Variants in PIAS1 observed in about 807,000 individuals in gnomAD.
The protein encoded by PIAS1 is protein inhibitor of activated STAT 1, also known as E3 SUMO-protein ligase PIAS1.
PIAS1 carries 6 observed loss-of-function variants against 71.3 expected under a neutral mutation model. The ratio of observed to expected loss-of-function variants is 0.08; its 90% confidence interval spans 0.05 to 0.17. PIAS1 has a LOEUF of 0.17. Among genes scored for constraint, PIAS1 ranks in the 10% least tolerant of loss-of-function variants. PIAS1 has a pLI of 1.00. For synonymous variants in PIAS1, 303 were observed against 292.9 expected, an observed-to-expected ratio of 1.03 and a Z score of -0.35; for missense variants, 555 against 793.6, an observed-to-expected ratio of 0.70 and a Z score of 3.61.
At position 68,183,677 on chromosome 15, in the gene PIAS1, G is replaced by A. The variant is rs757785580; in HGVS notation, c.1662+10G>A. ...ATCAGGAGACAATCAGGTATGTTAT[G>A]AAAAATTTACTATTATTTTAATTGT... On this transcript the variant is annotated intron_variant, in intron 13 of 13. Coordinates refer to ENST00000249636, the MANE Select transcript of PIAS1 (RefSeq NM_016166.3). 6.9e-6 allele frequency: 7 copies of A among 1,015,654 alleles called. No homozygotes were observed. The highest frequency in any genetic ancestry group is 1.0e-5 in the Non-Finnish European group (7 of 675,796). The allele number at this position is 1,015,654 out of a possible 1,614,324, so 62.9% of individuals were successfully genotyped here. A position where few individuals can be genotyped will look rare whatever the true frequency, so the allele number is the denominator to read the frequency against.
At chr15:68,124,718 T>TCAAACAAACAAA (rs148167122) in intron 2 of PIAS1, among the ~76,000 whole-genome samples, 1 of 151,710 alleles carries the variant, frequency 6.6e-6, no homozygotes, top group Non-Finnish European at 1.5e-5. Flanking sequence ...AGACTCTGGC[T>TCAAACAAACAAA]CAAACAAACA....
At chr15:68,107,757 ACTTATG>A (rs923722058) in intron 2 of PIAS1, among the ~76,000 whole-genome samples, 2 of 152,250 alleles carry the variant, frequency 1.3e-5, no homozygotes, top group African/African-American at 4.8e-5. Context: ...GATGGTAAAT[ACTTATG>A]CTTATACTTA....
chr15:68,088,785 A>T (rs1000195193), intron 2 of PIAS1, among the ~76,000 whole-genome samples: 1 of 152,202 alleles, frequency 6.6e-6, no homozygotes, highest in Non-Finnish European at 1.5e-5. Context: ...ATTCTTTAAC[A>T]TTATTAAGAC....
intron 12 of PIAS1, chr15:68,181,667 T>C (rs1369133460): frequency 1.5e-5 from 3 of 204,206 alleles, no homozygotes. Flanking sequence ...TTTTGGTATT[T>C]ATGAACATTA....
rs901636115 is a variant in PIAS1 at position 68,086,801 on chromosome 15, G to A, written c.469+51G>A. Reference sequence around the variant, plus strand: ...GGTTACTTTTGCAGGATGAATTTTCGTTTTAGGCTTTTACTTTGACCCAGT... The same window carrying A: ...GGTTACTTTTGCAGGATGAATTTTCATTTTAGGCTTTTACTTTGACCCAGT... On this transcript the variant is annotated intron_variant, in intron 2 of 13. Transcript: ENST00000249636. This position sits in a 1 kb window ranked among gnomAD's most constrained non-coding sequence, Gnocchi z 7.2. 2.3e-5 allele frequency: 28 copies of A among 1,196,534 alleles called. No homozygotes were observed. The highest frequency in any genetic ancestry group is 4.0e-4 in the Middle Eastern group (2 of 4,990). The allele number at this position is 1,196,534 out of a possible 1,614,324, so 74.1% of individuals were successfully genotyped here.
chr15:68,192,814 GATAC>G lies in PIAS1; in HGVS notation c.*4986_*4989del, dbSNP rs1056352999. ...GCCACAGCCCAGAGAACCCACTTTTGATACATACATGGATGCAAATCTTTGTACT... is the reference window on the plus strand; with the variant it reads ...GCCACAGCCCAGAGAACCCACTTTTGATACATGGATGCAAATCTTTGTACT... On this transcript the variant is annotated 3_prime_UTR_variant, in exon 14 of 14. Coordinates refer to ENST00000249636, the MANE Select transcript of PIAS1 (RefSeq NM_016166.3). 6.6e-6 allele frequency: 1 copy of G among 152,222 alleles called. No homozygotes were observed. The highest frequency in any genetic ancestry group is 1.5e-5 in the Non-Finnish European group (1 of 68,080). 9.4% of individuals were successfully genotyped at this position (152,222 alleles called of 1,614,324 possible). A position where few individuals can be genotyped will look rare whatever the true frequency, so the allele number is the denominator to read the frequency against.
chr15:68,091,303 GT>G (rs2092330873), intron 2 of PIAS1, among the ~76,000 whole-genome samples: 1 of 152,018 alleles, frequency 6.6e-6, no homozygotes, highest in African/African-American at 2.4e-5. Flanking sequence ...ATTCAAAATA[GT>G]TTATAATATT....
chr15:68,120,420 A>G (rs2092603722), intron 2 of PIAS1, among the ~76,000 whole-genome samples: 1 of 151,534 alleles, frequency 6.6e-6, no homozygotes, highest in South Asian at 2.1e-4. Flanking sequence ...CCTTTTTCAT[A>G]TGCCTTCTCT....
At chr15:68,074,841 T>C (rs1254724694) in intron 1 of PIAS1, among the ~76,000 whole-genome samples, 2 of 145,980 alleles carry the variant, frequency 1.4e-5, no homozygotes, top group East Asian at 4.0e-4. Flanking sequence ...TTAGCATTCC[T>C]TTTTTTTTTT....
intron 2 of PIAS1, among the ~76,000 whole-genome samples, chr15:68,134,966 G>T (rs1189463478): frequency 4.0e-5 from 2 of 50,632 alleles, no homozygotes; most frequent in African/African-American, 8.3e-5. Context: ...CGGCCGGGGG[G>T]GCTAACCCCC....
At chr15:68,078,460 C>T (rs959258602) in intron 1 of PIAS1, among the ~76,000 whole-genome samples, 4 of 152,192 alleles carry the variant, frequency 2.6e-5, no homozygotes, top group Non-Finnish European at 5.9e-5. Context: ...ATTTCAATTA[C>T]ATCTTTACTG....
intron 1 of PIAS1, among the ~76,000 whole-genome samples, chr15:68,083,397 C>A (rs894094524): frequency 1.3e-5 from 2 of 152,066 alleles, no homozygotes; most frequent in Non-Finnish European, 2.9e-5. Flanking sequence ...AACAGCTGTT[C>A]CAATAATAGC....
rs180978242 is a variant in PIAS1, at chr15:68,085,461, G to A, written c.25-845G>A. 1.9e-3 allele frequency among the ~76,000 whole-genome samples: 286 copies of A among 152,276 alleles called. 1 individual carries two copies. The highest frequency in any genetic ancestry group is 6.6e-3 in the African/African-American group (274 of 41,568). Reference sequence around the variant, plus strand: ...AGATTACTGCAGCCTCATGCATTATGGCATATGAATTGGGTTGCTGGACTT... The same window carrying A: ...AGATTACTGCAGCCTCATGCATTATAGCATATGAATTGGGTTGCTGGACTT... On this transcript the variant is annotated intron_variant, in intron 1 of 13. Transcript: ENST00000249636.
chr15:68,111,107 C>G (rs967131206), intron 2 of PIAS1, among the ~76,000 whole-genome samples: 2 of 152,160 alleles, frequency 1.3e-5, no homozygotes, highest in African/African-American at 4.8e-5. Flanking sequence ...TTGAATTAAA[C>G]TGCTTTGGGT....
chr15:68,103,650 G>A (rs2092446911), intron 2 of PIAS1, among the ~76,000 whole-genome samples: 1 of 151,936 alleles, frequency 6.6e-6, no homozygotes, highest in South Asian at 2.1e-4. Flanking sequence ...TACTAATACG[G>A]CATCTGTCTT....
intron 8 of PIAS1, among the ~76,000 whole-genome samples, chr15:68,170,337 T>C (rs940349384): frequency 6.6e-6 from 1 of 152,224 alleles, no homozygotes; most frequent in Admixed American, 6.5e-5. Context: ...TTTGCAAAAC[T>C]GTACAGCATG....
rs2093081498 is a variant in PIAS1 at position 68,185,440 on chromosome 15, A to T, written c.1662+1773A>T. On this transcript the variant is annotated intron_variant, in intron 13 of 13. Transcript: ENST00000249636. This position sits in a 1 kb window ranked among gnomAD's most constrained non-coding sequence, Gnocchi z 4.4. ...GACAAGGCTGTGGTTGACATGGCAAACAACTTTAACCTAGATGTAGATGAG... is the reference window on the plus strand; with the variant it reads ...GACAAGGCTGTGGTTGACATGGCAATCAACTTTAACCTAGATGTAGATGAG... Among the ~76,000 whole-genome samples, 1 of 152,204 alleles carries T rather than the reference A, an allele frequency of 6.6e-6. No homozygotes were observed. The highest frequency in any genetic ancestry group is 6.5e-5 in the Admixed American group (1 of 15,280).
chr15:68,164,784 A>G lies in PIAS1; in HGVS notation c.988A>G (p.Arg330Gly). 1 of 1,593,678 alleles carries G rather than the reference A, an allele frequency of 6.3e-7. No individual in the cohort carries two copies. Among genetic ancestry groups the G allele is most frequent in the Non-Finnish European group, 8.6e-7 (1 of 1,165,686 alleles). Residue 330 changes from arginine (R) to glycine (G), a missense_variant, in exon 8 of 14, where the codon AGG (arginine) becomes GGG (glycine). Coordinates refer to ENST00000249636, the MANE Select transcript of PIAS1 (RefSeq NM_016166.3). Reference sequence around the variant, plus strand: ...CAGTGAAATAGCTACAACCAGCCTAAGGGTTTCTCTACTATGTCCAGTAAG... The same window carrying G: ...CAGTGAAATAGCTACAACCAGCCTAGGGGTTTCTCTACTATGTCCAGTAAG... ...PDSEIATTSL[R>G]VSLLCPLGKM...
At chr15:68,073,276 C>T (rs1014912542) in intron 1 of PIAS1, among the ~76,000 whole-genome samples, 10 of 152,166 alleles carry the variant, frequency 6.6e-5, no homozygotes, top group South Asian at 2.1e-4. Context: ...CTCGGCCTCC[C>T]GAAGTGCTGG....
Sources: allele counts gnomAD v4.1 joint callset (sites outside exome capture counted in the v4.1 genomes callset), GRCh38; gene constraint gnomAD v4.1.1; non-coding constraint Gnocchi (gnomAD v3.1); transcripts MANE v1.5; gene names NCBI Gene and HGNC (gene_info 2026-07-23, HGNC 2026-07-21).